The following CIMIP2C variants were observed in gnomAD, a reference collection of about 807,000 sequenced individuals.
The protein encoded by CIMIP2C is ciliary microtubule inner protein 2C.
At chr2:26,578,850 G>A in the CIMIP2C span, 3 of 471,570 alleles carry the variant, frequency 6.4e-6, no homozygotes, top group East Asian at 2.1e-4. Flanking sequence ...GTTGGGAGAA[G>A]AGGGTCAGTG....
At chr2:26,576,458 C>A in the CIMIP2C span, among the ~76,000 whole-genome samples, 3 of 152,296 alleles carry the variant, frequency 2.0e-5, no homozygotes, top group East Asian at 5.8e-4. Context: ...TCTCTAGGGA[C>A]CTGTCTCTAG....
At chr2:26,562,974 G>T in the CIMIP2C span, 1 of 464,670 alleles carries the variant, frequency 2.2e-6, no homozygotes, top group Non-Finnish European at 3.8e-6. Flanking sequence ...GCCGGGGAAG[G>T]GGGAGGAGAT....
At chr2:26,565,059 T>C in the CIMIP2C span, among the ~76,000 whole-genome samples, 9,715 of 143,318 alleles carry the variant, frequency 0.068, 398 homozygotes, top group Middle Eastern at 0.11. Context: ...TTCTCCTTCT[T>C]CTTCCCCTTC....
the CIMIP2C span, among the ~76,000 whole-genome samples, chr2:26,569,049 C>T: frequency 3.3e-5 from 5 of 149,668 alleles, no homozygotes; most frequent in Non-Finnish European, 7.4e-5. Flanking sequence ...AAAAGAAAAA[C>T]AATATGAACT....
chr2:26,576,201 G>A, the CIMIP2C span: 1 of 1,596,136 alleles, frequency 6.3e-7, no homozygotes, highest in Non-Finnish European at 8.5e-7. Flanking sequence ...CTGCCCTGTG[G>A]CCTCCCCTCC....
At chr2:26,574,820 C>T in the CIMIP2C span, among the ~76,000 whole-genome samples, 455 of 152,342 alleles carry the variant, frequency 3.0e-3, 2 homozygotes, top group Middle Eastern at 0.01. Context: ...TACTGGAAGG[C>T]CCAGCAAGAC....
the CIMIP2C span, chr2:26,579,502 T>A: frequency 6.4e-7 from 1 of 1,571,640 alleles, no homozygotes; most frequent in Non-Finnish European, 8.7e-7. Flanking sequence ...CTGGCTTGCT[T>A]GGAATAAAAT....
At chr2:26,567,508 G>A in the CIMIP2C span, among the ~76,000 whole-genome samples, 1 of 152,310 alleles carries the variant, frequency 6.6e-6, no homozygotes, top group East Asian at 1.9e-4. Flanking sequence ...TAGCAGCGTG[G>A]GAACAGAGTA....
the CIMIP2C span, chr2:26,578,847 G>A: frequency 2.1e-6 from 1 of 471,648 alleles, no homozygotes; most frequent in Non-Finnish European, 4.4e-6. Context: ...GTGGTTGGGA[G>A]AAGAGGGTCA....
chr2:26,572,801 G>A, the CIMIP2C span, among the ~76,000 whole-genome samples: 5 of 152,328 alleles, frequency 3.3e-5, no homozygotes, highest in African/African-American at 4.8e-5. Context: ...CCTTGCTTCC[G>A]AGGAGGAGAA....
chr2:26,569,089 A>G, the CIMIP2C span, among the ~76,000 whole-genome samples: 90 of 152,070 alleles, frequency 5.9e-4, no homozygotes, highest in African/African-American at 2.1e-3. Context: ...AAGGGCAAAG[A>G]CAGTTCCATG....
At chr2:26,579,469 T>C in the CIMIP2C span, 2 of 1,606,284 alleles carry the variant, frequency 1.2e-6, no homozygotes, top group Admixed American at 1.7e-5. Context: ...GCCTGATGCC[T>C]GAGATCCTGG....
the CIMIP2C span, among the ~76,000 whole-genome samples, chr2:26,569,381 G>C: frequency 6.6e-6 from 1 of 152,186 alleles, no homozygotes; most frequent in Non-Finnish European, 1.5e-5. Context: ...GGCGCGGAGG[G>C]ACTGACACCT....
At chr2:26,563,204 G>A in the CIMIP2C span, 79 of 157,326 alleles carry the variant, frequency 5.0e-4, no homozygotes, top group Non-Finnish European at 8.8e-4. Context: ...AATGGGTCAT[G>A]TGTGCAGTAC....
At chr2:26,579,447 G>T in the CIMIP2C span, 1 of 1,612,848 alleles carries the variant, frequency 6.2e-7, no homozygotes, top group Non-Finnish European at 8.5e-7. Flanking sequence ...GAGACTTTTA[G>T]TTCAGAGCAG....
At chr2:26,564,814 T>G in the CIMIP2C span, among the ~76,000 whole-genome samples, 2 of 152,172 alleles carry the variant, frequency 1.3e-5, no homozygotes, top group African/African-American at 4.8e-5. Flanking sequence ...CATGCTGGTG[T>G]GGACCTCAGA....
chr2:26,577,969 C>T, the CIMIP2C span: 4 of 303,842 alleles, frequency 1.3e-5, no homozygotes, highest in East Asian at 3.3e-4. Flanking sequence ...CTAACGTGGG[C>T]GCCGATGCAG....
At chr2:26,563,959 T>C in the CIMIP2C span, among the ~76,000 whole-genome samples, 2 of 152,180 alleles carry the variant, frequency 1.3e-5, no homozygotes, top group Admixed American at 6.5e-5. Context: ...CAGGTCATGG[T>C]AGTTTCCCGA....
At chr2:26,579,431 G>T in the CIMIP2C span, 1 of 1,613,636 alleles carries the variant, frequency 6.2e-7, no homozygotes, top group Non-Finnish European at 8.5e-7. Flanking sequence ...TTTGAGTTCA[G>T]AGCATGAGAC....
Sources: allele counts gnomAD v4.1 joint callset (sites outside exome capture counted in the v4.1 genomes callset), GRCh38; gene constraint gnomAD v4.1.1; transcripts MANE v1.5; gene names NCBI Gene and HGNC (gene_info 2026-07-23, HGNC 2026-07-21).